Variants in CTNNA3 observed in about 807,000 individuals in gnomAD.
CTNNA3 encodes catenin alpha 3.
CTNNA3 carries 76 observed loss-of-function variants against 95.7 expected under a neutral mutation model. That is an observed-to-expected ratio of 0.79 (90% CI 0.66 to 0.96). The LOEUF (loss-of-function observed/expected upper bound fraction) is 0.96. Among genes scored for constraint, CTNNA3 ranks in the 40% least tolerant of loss-of-function variants. The pLI is 0.00. For synonymous variants in CTNNA3, 431 were observed against 374.4 expected, an observed-to-expected ratio of 1.15 and a Z score of -1.74; for missense variants, 1,191 against 1,089.8, an observed-to-expected ratio of 1.09 and a Z score of -1.31.
intron 7 of CTNNA3, among the ~76,000 whole-genome samples, chr10:66,859,721 G>A (rs1334561649): frequency 1.5e-5 from 2 of 133,064 alleles, no homozygotes; most frequent in Non-Finnish European, 3.3e-5. Context: ...GCACACGTAT[G>A]TTTACTGCGG....
At chr10:66,275,091 A>G (rs910086885) in intron 13 of CTNNA3, among the ~76,000 whole-genome samples, 4 of 151,828 alleles carry the variant, frequency 2.6e-5, no homozygotes, top group African/African-American at 9.7e-5. Context: ...GTATTTCTCT[A>G]TTGTCCATGT....
At chr10:67,365,469 C>T (rs1044547364) in intron 5 of CTNNA3, among the ~76,000 whole-genome samples, 10 of 152,172 alleles carry the variant, frequency 6.6e-5, no homozygotes, top group African/African-American at 2.4e-4. Context: ...ATTTTGCAAT[C>T]TACCCATGTG....
At chr10:67,188,722 G>C (rs1270148703) in intron 6 of CTNNA3, among the ~76,000 whole-genome samples, 3 of 152,134 alleles carry the variant, frequency 2.0e-5, no homozygotes, top group Non-Finnish European at 4.4e-5. Context: ...ATTCATAATA[G>C]CCAAGATATG....
intron 9 of CTNNA3, among the ~76,000 whole-genome samples, chr10:66,704,289 TTTC>T (rs1266254358): frequency 2.0e-5 from 3 of 152,168 alleles, no homozygotes; most frequent in Admixed American, 6.6e-5. Context: ...CACTGTCCAG[TTTC>T]TTCTTCTTCA....
chr10:67,066,336 G>C (rs1856081463), intron 7 of CTNNA3, among the ~76,000 whole-genome samples: 1 of 151,720 alleles, frequency 6.6e-6, no homozygotes, highest in Non-Finnish European at 1.5e-5. Context: ...GGGACTACAG[G>C]TGTGCGCCAC....
chr10:67,061,992 C>A (rs1855783490), intron 7 of CTNNA3, among the ~76,000 whole-genome samples: 4 of 152,066 alleles, frequency 2.6e-5, no homozygotes, highest in South Asian at 4.1e-4. Flanking sequence ...ACACATTTTT[C>A]AACCTACTTC....
chr10:66,318,276 A>ATGTGTGTGTGTGTGTGTGTGTG (rs138734509), intron 12 of CTNNA3, among the ~76,000 whole-genome samples: 1 of 136,602 alleles, frequency 7.3e-6, no homozygotes, highest in African/African-American at 2.7e-5. Context: ...ATATATATAT[A>ATGTGTGTGTGTGTGTGTGTGTG]TGTGTGTGTG....
chr10:67,242,743 CTA>C (rs1865762596), intron 5 of CTNNA3, among the ~76,000 whole-genome samples: 1 of 152,142 alleles, frequency 6.6e-6, no homozygotes, highest in African/African-American at 2.4e-5. Flanking sequence ...CCTGATGAGC[CTA>C]CAATAAGCCA....
chr10:66,697,675 G>C (rs970561289), intron 9 of CTNNA3, among the ~76,000 whole-genome samples: 1 of 152,028 alleles, frequency 6.6e-6, no homozygotes, highest in African/African-American at 2.4e-5. Flanking sequence ...ATTTCAAAAT[G>C]GGTATAAATT....
chr10:66,919,247 A>G (rs2132592977), intron 7 of CTNNA3, among the ~76,000 whole-genome samples: 1 of 152,214 alleles, frequency 6.6e-6, no homozygotes, highest in South Asian at 2.1e-4. Context: ...ACGAAATAAA[A>G]TTAGCAAAAT....
intron 15 of CTNNA3, among the ~76,000 whole-genome samples, chr10:65,996,899 T>A (rs536423656): frequency 1.3e-5 from 2 of 152,358 alleles, no homozygotes; most frequent in South Asian, 4.1e-4. Context: ...AATGATTATG[T>A]ACTTGCTATT....
chr10:66,497,049 G>A (rs1047482699), intron 11 of CTNNA3, among the ~76,000 whole-genome samples: 2 of 151,964 alleles, frequency 1.3e-5, no homozygotes, highest in African/African-American at 4.8e-5. Flanking sequence ...ATATTGGATT[G>A]AGGCTCATCC....
At chr10:67,414,714 C>T (rs1845485192) in intron 5 of CTNNA3, among the ~76,000 whole-genome samples, 1 of 152,180 alleles carries the variant, frequency 6.6e-6, no homozygotes, top group Non-Finnish European at 1.5e-5. Context: ...TCTAGCAGCA[C>T]ATCAAAAAGT....
intron 13 of CTNNA3, among the ~76,000 whole-genome samples, chr10:66,188,015 A>T (rs1280288228): frequency 6.6e-6 from 1 of 152,108 alleles, no homozygotes; most frequent in Admixed American, 6.6e-5. Context: ...CAAAACAAAG[A>T]CTTAGAAATA....
In CTNNA3 at chr10:66,053,729, G is replaced by A. The variant is rs193100674; in HGVS notation, c.2159+15579C>T. On this transcript the variant is annotated intron_variant, in intron 15 of 17. Coordinates refer to ENST00000433211, the MANE Select transcript of CTNNA3 (RefSeq NM_013266.4). ...AACATATAATGATTAAATAAGGGTG[G>A]CTGTGGTATCTAATATTTATCTTTT... 2.6e-3 allele frequency among the ~76,000 whole-genome samples: 389 copies of A among 151,986 alleles called. 6 individuals carry two copies. The highest frequency in any genetic ancestry group is 9.1e-3 in the African/African-American group (377 of 41,502).
intron 11 of CTNNA3, among the ~76,000 whole-genome samples, chr10:66,518,587 G>C (rs1484822325): frequency 6.6e-6 from 1 of 152,022 alleles, no homozygotes; most frequent in Non-Finnish European, 1.5e-5. Context: ...TAAAATTACT[G>C]TTTAAATGTT....
intron 13 of CTNNA3, among the ~76,000 whole-genome samples, chr10:66,275,951 A>G (rs1209767012): frequency 6.6e-6 from 1 of 152,190 alleles, no homozygotes; most frequent in African/African-American, 2.4e-5. Flanking sequence ...CCTGTAGGTG[A>G]AATAGAATCA....
chr10:66,032,081 C>A (rs920648109), intron 15 of CTNNA3, among the ~76,000 whole-genome samples: 2 of 151,994 alleles, frequency 1.3e-5, no homozygotes, highest in African/African-American at 4.8e-5. Flanking sequence ...ATAAAAGTAG[C>A]TAAAGTAGTC....
At chr10:66,405,439 G>C (rs2093049740) in intron 11 of CTNNA3, among the ~76,000 whole-genome samples, 1 of 152,122 alleles carries the variant, frequency 6.6e-6, no homozygotes, top group African/African-American at 2.4e-5. Flanking sequence ...AATGATTGTA[G>C]TCAACTAACT....
Sources: gnomAD v4.1 joint callset for allele counts (sites outside exome capture counted in the v4.1 genomes callset) on GRCh38, gnomAD v4.1.1 for gene constraint, MANE v1.5 for transcripts, NCBI Gene and HGNC (gene_info 2026-07-23, HGNC 2026-07-21) for gene names.